Variants in FAT4 observed in about 807,000 individuals in gnomAD.
FAT4 encodes FAT atypical cadherin 4.
In FAT4, 84 loss-of-function variants were observed where a neutral mutation model predicts 303.9. The observed-to-expected ratio is 0.28, with a 90% CI of 0.23 to 0.33. The LOEUF (loss-of-function observed/expected upper bound fraction) is 0.33. FAT4 is among the 10% of genes least tolerant of loss of function. The probability of loss-of-function intolerance (pLI) is 1.00; values close to 1 mark genes in which losing one functional copy is unlikely to be tolerated. For missense variants in FAT4, 6,005 were observed against 6,146.8 expected (o/e 0.98, Z 0.77); for synonymous variants, 2,307 against 2,298.8 (o/e 1.00, Z -0.10).
At position 125,490,384 on chromosome 4, in the gene FAT4, T is replaced by C; in HGVS notation, c.13568T>C (p.Leu4523Pro). 6.2e-7 allele frequency: 1 copy of C among 1,614,106 alleles called. No homozygotes were observed. Among genetic ancestry groups the C allele is most frequent in the Non-Finnish European group, 8.5e-7 (1 of 1,180,026 alleles). ...GCAACCGTCTTGGCCCTCCTGGTCC[T>C]TAGCCTGATCCTGTGTAACCAGTGC... Reference protein sequence around the residue: ...SCATVLALLVLSLILCNQCRG... With the variant: ...SCATVLALLVPSLILCNQCRG... Residue 4523 changes from leucine (L) to proline (P), a missense_variant, in exon 18 of 18, where the codon CTT (leucine) becomes CCT (proline). Transcript: ENST00000394329.
rs1425116307 is a variant in FAT4 at position 125,463,048 on chromosome 4, ATG to A, written c.11801-511_11801-510del. ...ATTTTCATAAGCATTTGAAAATATG[ATG>A]TGTTTTCTTATTTCTTATTCTGCTT... On this transcript the variant is annotated intron_variant, in intron 10 of 17. Transcript: ENST00000394329. 3.3e-5 allele frequency among the ~76,000 whole-genome samples: 5 copies of A among 152,044 alleles called. No homozygotes were observed. In the East Asian group the frequency reaches 7.7e-4, roughly 23 times the overall value.
At chr4:125,437,377 CAG>C (rs769726048) in intron 8 of FAT4, among the ~76,000 whole-genome samples, 82 of 152,120 alleles carry the variant, frequency 5.4e-4, no homozygotes, top group Non-Finnish European at 1.0e-3. Context: ...CTAGAGACAA[CAG>C]AGGAAATGCA....
At chr4:125,438,935 T>G (rs1322286443) in intron 8 of FAT4, among the ~76,000 whole-genome samples, 2 of 152,284 alleles carry the variant, frequency 1.3e-5, no homozygotes, top group East Asian at 3.9e-4. Context: ...GAGCATAAAC[T>G]TTTATGTGTC....
At chr4:125,426,249 G>A (rs1234945857) in intron 7 of FAT4, among the ~76,000 whole-genome samples, 4 of 152,066 alleles carry the variant, frequency 2.6e-5, no homozygotes, top group Non-Finnish European at 5.9e-5. Flanking sequence ...TTGTGGGAAT[G>A]TATGATAGAA....
rs562585373 is a variant in FAT4, at chr4:125,468,637, G to A, written c.12031G>A (p.Ala4011Thr). 2 of 1,614,066 alleles carry A rather than the reference G, an allele frequency of 1.2e-6. No individual in the cohort carries two copies. The highest frequency in any genetic ancestry group is 2.2e-5 in the East Asian group (1 of 44,862). ...CAAATTTGCCACGATTAAAAGTCAT[G>A]CCTTATTGCTTTACAACTATGACAA... ...YVKFATIKSH[A>T]LLLYNYDNQT... The change falls in exon 12 of 18, where the codon GCC becomes ACC. Residue 4011 changes from alanine to threonine, a missense_variant. Coordinates refer to ENST00000394329, the MANE Select transcript of FAT4 (RefSeq NM_001291303.3).
Position 125,492,162 on chromosome 4 carries a change from C to G in FAT4, c.*394C>G, listed in dbSNP as rs986309669. 4.2e-5 allele frequency: 7 copies of G among 167,428 alleles called. No individual in the cohort carries two copies. Among genetic ancestry groups the G allele is most frequent in the Non-Finnish European group, 7.8e-5 (6 of 76,808 alleles). 10.4% of individuals were successfully genotyped at this position (167,428 alleles called of 1,614,324 possible). A position where few individuals can be genotyped will look rare whatever the true frequency, so the allele number is the denominator to read the frequency against. ...ATTATTATAATTATATTTTGCATTG[C>G]AAGATTCTTGATGTTAAACCAATCC... On this transcript the variant is annotated 3_prime_UTR_variant, in exon 18 of 18. Transcript: ENST00000394329.
At position 125,319,513 on chromosome 4, in the gene FAT4, C is replaced by A; in HGVS notation, c.3102C>A (p.Thr1034=). 1 of 1,614,012 alleles carries A rather than the reference C, an allele frequency of 6.2e-7. No homozygotes were observed. Among genetic ancestry groups the A allele is most frequent in the Non-Finnish European group, 8.5e-7 (1 of 1,179,956 alleles). ...DSGANGEIAY[T]IAEGNTGDAF... Reference sequence around the variant, plus strand: ...GAGCAAATGGTGAAATTGCATACACCATTGCTGAAGGAAATACAGGGGATG... The same window carrying A: ...GAGCAAATGGTGAAATTGCATACACAATTGCTGAAGGAAATACAGGGGATG... The change falls in exon 2 of 18, where the codon ACC becomes ACA. Residue 1034 remains threonine (T), a synonymous_variant. Transcript: ENST00000394329.
chr4:125,383,607 T>C (rs1733620880), intron 2 of FAT4, among the ~76,000 whole-genome samples: 1 of 152,190 alleles, frequency 6.6e-6, no homozygotes, highest in African/African-American at 2.4e-5. Flanking sequence ...GGAAAAATAA[T>C]GCTGATAGAA....
At chr4:125,359,632 T>C (rs17009526) in intron 2 of FAT4, among the ~76,000 whole-genome samples, 9,165 of 152,230 alleles carry the variant, frequency 0.06, 411 homozygotes, top group East Asian at 0.19. Flanking sequence ...TACTTTCATG[T>C]TGGTATGAGT....
chr4:125,479,676 T>A lies in FAT4; in HGVS notation c.12480-65T>A. 2.1e-6 allele frequency: 3 copies of A among 1,412,416 alleles called. No homozygotes were observed. In the South Asian group the frequency reaches 5.0e-5, roughly 24 times the overall value. 87.5% of individuals were successfully genotyped at this position (1,412,416 alleles called of 1,614,324 possible). On this transcript the variant is annotated intron_variant, in intron 14 of 17. Transcript: ENST00000394329. ...TAAACAAGCTAATAAAAGTGTATAT[T>A]GAGTTTTAGCAAACTTCTCCTCATC... is the stretch of plus-strand genomic sequence containing the variant.
At chr4:125,360,696 T>A (rs2125984611) in intron 2 of FAT4, among the ~76,000 whole-genome samples, 1 of 152,190 alleles carries the variant, frequency 6.6e-6, no homozygotes, top group Admixed American at 6.6e-5. Context: ...ATGCACTTAA[T>A]TGTAGTCATC....
At chr4:125,358,756 G>T (rs1732535260) in intron 2 of FAT4, among the ~76,000 whole-genome samples, 2 of 152,098 alleles carry the variant, frequency 1.3e-5, no homozygotes, top group Admixed American at 6.6e-5. Context: ...ATGGTCTGTG[G>T]CCCAGGGGTT....
chr4:125,382,646 A>T (rs1482867576), intron 2 of FAT4, among the ~76,000 whole-genome samples: 2 of 152,156 alleles, frequency 1.3e-5, no homozygotes, highest in Non-Finnish European at 2.9e-5. Context: ...GCTTAAAGTC[A>T]CCAACTGTAC....
At position 125,448,614 on chromosome 4, in the gene FAT4, A is replaced by C. The variant is rs1725913748; in HGVS notation, c.7604A>C (p.Glu2535Ala). 1.2e-6 allele frequency: 2 copies of C among 1,613,980 alleles called. No homozygotes were observed. Among genetic ancestry groups the C allele is most frequent in the East Asian group, 4.5e-5 (2 of 44,880 alleles). Residue 2535 changes from glutamate to alanine, a missense_variant, in exon 10 of 18, where the codon GAA (glutamate) becomes GCA (alanine). Glu to Ala is a moderately radical substitution (Grantham distance 107). Transcript: ENST00000394329. ...MAAGPLNGAS[E>A]VTFSVHVKDG... ...GCCGGACCACTAAACGGAGCTTCAG[A>C]AGTGACATTTTCTGTGCATGTAAAA...
chr4:125,488,348 T>C (rs1727485263), intron 17 of FAT4, among the ~76,000 whole-genome samples: 2 of 152,178 alleles, frequency 1.3e-5, no homozygotes, highest in African/African-American at 4.8e-5. Context: ...AAAACTTTAA[T>C]CACAGTAGGA....
intron 2 of FAT4, among the ~76,000 whole-genome samples, chr4:125,327,048 T>C (rs1731186173): frequency 6.6e-6 from 1 of 152,142 alleles, no homozygotes; most frequent in African/African-American, 2.4e-5. Flanking sequence ...TAAGTATTTT[T>C]ATGTATTGTG....
chr4:125,448,735 G>C lies in FAT4; in HGVS notation c.7725G>C (p.Thr2575=), dbSNP rs140288688. Residue 2575 remains threonine (T), a synonymous_variant, in exon 10 of 18, where the codon ACG becomes ACC. Transcript: ENST00000394329. Reference sequence around the variant, plus strand: ...CTAAAGTGAGAGCCAAAGAACAAACGTTCATGTTTCCTGAAAACCAACCAG... The same window carrying C: ...CTAAAGTGAGAGCCAAAGAACAAACCTTCATGTTTCCTGAAAACCAACCAG... ...DFPKVRAKEQ[T]FMFPENQPVS... 4.2e-5 allele frequency: 68 copies of C among 1,613,538 alleles called. No homozygotes were observed. The African/African-American group carries it at 8.3e-4, about 20-fold the overall frequency.
chr4:125,469,105 C>A (rs1560627397), intron 12 of FAT4, among the ~76,000 whole-genome samples: 1 of 152,144 alleles, frequency 6.6e-6, no homozygotes, highest in Non-Finnish European at 1.5e-5. Flanking sequence ...ACCTTTCTTT[C>A]CTAAGTATTT....
intron 3 of FAT4, among the ~76,000 whole-genome samples, chr4:125,403,058 T>C (rs1342385256): frequency 1.3e-5 from 2 of 152,034 alleles, no homozygotes; most frequent in African/African-American, 4.8e-5. Flanking sequence ...GAAGTCTAAG[T>C]CATCAAATAA....
Sources: allele counts gnomAD v4.1 joint callset (sites outside exome capture counted in the v4.1 genomes callset), GRCh38; gene constraint gnomAD v4.1.1; transcripts MANE v1.5; gene names NCBI Gene and HGNC (gene_info 2026-07-23, HGNC 2026-07-21).